Variants in GFPT2 observed in about 807,000 individuals in gnomAD.
The protein encoded by GFPT2 is glutamine--fructose-6-phosphate aminotransferase [isomerizing] 2.
A neutral mutation model predicts 85.6 loss-of-function variants in GFPT2; 62 were observed. The ratio of observed to expected loss-of-function variants is 0.72; its 90% confidence interval spans 0.59 to 0.90. The LOEUF is 0.90. Among genes scored for constraint, GFPT2 ranks in the 40% least tolerant of loss-of-function variants. The probability of loss-of-function intolerance (pLI) is 0.00; values close to 1 mark genes in which losing one functional copy is unlikely to be tolerated. For synonymous variants in GFPT2, 368 were observed against 344.5 expected, an observed-to-expected ratio of 1.07 and a Z score of -0.75; for missense variants, 788 against 893.4, an observed-to-expected ratio of 0.88 and a Z score of 1.50.
At chr5:180,337,698 C>T (rs878706) in intron 2 of GFPT2, among the ~76,000 whole-genome samples, 14 of 151,764 alleles carry the variant, frequency 9.2e-5, no homozygotes, top group African/African-American at 1.2e-4. Flanking sequence ...CACAACGCTG[C>T]GCATACTTAA....
At position 180,324,372 on chromosome 5, in the gene GFPT2, AACCAATTTC is replaced by A. The variant is rs1326577189; in HGVS notation, c.677-76_677-68del. ...TTTGTTTGCATAATATGCAGCAAGG[AACCAATTTC>A]CCCTCTGAATATGTGTGGGAGAAAT... On this transcript the variant is annotated intron_variant, in intron 8 of 18. Coordinates refer to ENST00000253778, the MANE Select transcript of GFPT2 (RefSeq NM_005110.4). 7 of 920,124 alleles carry A rather than the reference AACCAATTTC, an allele frequency of 7.6e-6. No homozygotes were observed. The East Asian group carries it at 1.5e-4, about 19-fold the overall frequency. The allele number at this position is 920,124 out of a possible 1,614,324, so 57.0% of individuals were successfully genotyped here.
chr5:180,314,041 C>G (rs1044617199), intron 13 of GFPT2, 77 bp from the exon 14 acceptor site: 5 of 1,405,010 alleles, frequency 3.6e-6, no homozygotes, highest in Non-Finnish European at 4.7e-6. Flanking sequence ...CCTTCACCGC[C>G]GGCTCTTACA....
chr5:180,310,560 G>C (rs113450720), intron 15 of GFPT2, among the ~76,000 whole-genome samples: 1 of 151,140 alleles, frequency 6.6e-6, no homozygotes, highest in South Asian at 2.1e-4. Context: ...ACAGGCACCT[G>C]CCACCACATC....
intron 15 of GFPT2, among the ~76,000 whole-genome samples, chr5:180,308,256 G>GA (rs1193861706): frequency 0.028 from 3,716 of 132,452 alleles, 146 homozygotes; most frequent in African/African-American, 0.095. Context: ...ACTCCATCTC[G>GA]AAAAAAAAAA....
chr5:180,308,635 G>A lies in GFPT2; in HGVS notation c.1547-1332C>T, dbSNP rs551140648. ...CAAACTTGAGAAACAGTAGGTTCTT[G>A]AAAGGGTAGGTGCCAATATAGAATC... On this transcript the variant is annotated intron_variant, in intron 15 of 18. Coordinates refer to ENST00000253778, the MANE Select transcript of GFPT2 (RefSeq NM_005110.4). 1.6e-4 allele frequency among the ~76,000 whole-genome samples: 24 copies of A among 152,318 alleles called. No homozygotes were observed. In the South Asian group the frequency reaches 4.8e-3, roughly 30 times the overall value.
chr5:180,349,375 C>G (rs1764667624), intron 1 of GFPT2, among the ~76,000 whole-genome samples: 1 of 152,184 alleles, frequency 6.6e-6, no homozygotes, highest in African/African-American at 2.4e-5. Flanking sequence ...AGAATTTTCT[C>G]TCAAACTTAT....
chr5:180,339,481 A>G (rs149958704), intron 1 of GFPT2, among the ~76,000 whole-genome samples: 56 of 151,914 alleles, frequency 3.7e-4, no homozygotes, highest in African/African-American at 1.2e-3. Context: ...AGGTAGGCCT[A>G]TGAGTCAAGA....
intron 7 of GFPT2, 61 bp from the exon 8 acceptor site, chr5:180,324,956 G>C: frequency 9.9e-7 from 1 of 1,009,948 alleles, no homozygotes; most frequent in Admixed American, 1.7e-5. Flanking sequence ...CTGGGTGTCT[G>C]CCCAGCATCT....
chr5:180,352,152 C>A (rs778615508), intron 1 of GFPT2, among the ~76,000 whole-genome samples: 2 of 152,092 alleles, frequency 1.3e-5, no homozygotes, highest in East Asian at 3.9e-4. Context: ...CGCCGTAGGT[C>A]GTTCCCTTCT....
At chr5:180,336,000 G>T in intron 3 of GFPT2, 47 bp from the exon 4 acceptor site, 1 of 1,516,054 alleles carries the variant, frequency 6.6e-7, no homozygotes, top group South Asian at 1.3e-5. Context: ...AACAAGCCTC[G>T]ACCCAGGACT....
chr5:180,335,224 A>G (rs1258846269), intron 4 of GFPT2, among the ~76,000 whole-genome samples: 1 of 152,200 alleles, frequency 6.6e-6, no homozygotes, highest in African/African-American at 2.4e-5. Context: ...ACTTTTAAGA[A>G]CATGAAGCAA....
At chr5:180,351,650 C>G (rs1764712863) in intron 1 of GFPT2, among the ~76,000 whole-genome samples, 1 of 152,196 alleles carries the variant, frequency 6.6e-6, no homozygotes, top group African/African-American at 2.4e-5. Context: ...CAACCTTTCC[C>G]TAGGAGACAA....
At position 180,318,713 on chromosome 5, in the gene GFPT2, G is replaced by T; in HGVS notation, c.958+80C>A. 1 of 1,254,116 alleles carries T rather than the reference G, an allele frequency of 8.0e-7. No homozygotes were observed. The highest frequency in any genetic ancestry group is 1.1e-6 in the Non-Finnish European group (1 of 882,958). The allele number at this position is 1,254,116 out of a possible 1,614,324, so 77.7% of individuals were successfully genotyped here. ...GGCAGGAGGGCTGTGGCCTCTACTA[G>T]GACCAGGCAGAGTGTCAGGAGCTCC... On this transcript the variant is annotated intron_variant, in intron 10 of 18. Transcript: ENST00000253778. This position sits in a 1 kb window ranked among gnomAD's most constrained non-coding sequence, Gnocchi z 4.2.
At chr5:180,351,202 C>T (rs777751665) in intron 1 of GFPT2, among the ~76,000 whole-genome samples, 9 of 152,216 alleles carry the variant, frequency 5.9e-5, no homozygotes, top group South Asian at 2.1e-4. Flanking sequence ...ATCATCCCCC[C>T]CAAACAGACC....
intron 3 of GFPT2, 177 bp downstream of exon 3, chr5:180,336,302 T>TAAAAAA: frequency 1.6e-6 from 1 of 642,036 alleles, no homozygotes; most frequent in Non-Finnish European, 2.8e-6. Flanking sequence ...CGCCACCACC[T>TAAAAAA]AAAATAAACC....
Position 180,328,408 on chromosome 5 carries a change from G to T in GFPT2, c.535-70C>A. The T allele has an allele frequency of 8.0e-7, 1 of 1,257,252 alleles. No individual in the cohort carries two copies. The highest frequency in any genetic ancestry group is 1.2e-6 in the Non-Finnish European group (1 of 856,360). 77.9% of individuals were successfully genotyped at this position (1,257,252 alleles called of 1,614,324 possible). ...CTGCTGCAGCCTGGCCACAGCCCAGGTGCGTCTCCCTGGGCCCCTCCTGAT... is the reference window on the plus strand; with the variant it reads ...CTGCTGCAGCCTGGCCACAGCCCAGTTGCGTCTCCCTGGGCCCCTCCTGAT... On this transcript the variant is annotated intron_variant, in intron 6 of 18. Coordinates refer to ENST00000253778, the MANE Select transcript of GFPT2 (RefSeq NM_005110.4). The surrounding 1 kb of genome is among the most constrained non-coding windows in gnomAD (Gnocchi z 5.4).
In GFPT2 at chr5:180,301,125, C is replaced by T. The variant is rs878968148; in HGVS notation, c.*439G>A. 1.1e-4 allele frequency: 20 copies of T among 175,940 alleles called. No individual in the cohort carries two copies. In the South Asian group the frequency reaches 3.1e-3, roughly 27 times the overall value. 10.9% of individuals were successfully genotyped at this position (175,940 alleles called of 1,614,324 possible). The stretch of plus-strand genomic sequence containing the variant: ...CACCTGCCAGGAGCAAGCCTGGACA[C>T]AGAGCATGGGTAGCTAGGATGAACA... On this transcript the variant is annotated 3_prime_UTR_variant, in exon 19 of 19. Transcript: ENST00000253778.
At chr5:180,329,260 C>T (rs1026807065) in intron 6 of GFPT2, among the ~76,000 whole-genome samples, 29 of 152,180 alleles carry the variant, frequency 1.9e-4, no homozygotes, top group African/African-American at 6.0e-4. Flanking sequence ...GGGCCAGGAA[C>T]CTGAGTCACC....
At chr5:180,353,189 C>G (rs1764751663) in intron 1 of GFPT2, 22 bp downstream of exon 1, 2 of 1,234,448 alleles carry the variant, frequency 1.6e-6, no homozygotes. Context: ...GAGGAGGCGG[C>G]TCGGGCGGGC....
Sources: allele counts gnomAD v4.1 joint callset (sites outside exome capture counted in the v4.1 genomes callset), GRCh38; gene constraint gnomAD v4.1.1; non-coding constraint Gnocchi (gnomAD v3.1); transcripts MANE v1.5; gene names NCBI Gene and HGNC (gene_info 2026-07-23, HGNC 2026-07-21).